USP34: variants seen among roughly 807,000 people sequenced by gnomAD.
The protein encoded by USP34 is ubiquitin carboxyl-terminal hydrolase 34.
A neutral mutation model predicts 460.3 loss-of-function variants in USP34; 70 were observed. The ratio of observed to expected loss-of-function variants is 0.15; its 90% CI spans 0.13 to 0.19. The LOEUF is 0.19. USP34 is among the 10% of genes least tolerant of loss of function. The pLI, the probability that USP34 is intolerant of heterozygous loss-of-function variation, is 1.00. For missense variants in USP34, 3,985 were observed against 4,236.2 expected (o/e 0.94, Z 1.65); for synonymous variants, 1,647 against 1,405.3 (o/e 1.17, Z -3.85).
chr2:61,216,893 G>A (rs1173535098), intron 67 of USP34, among the ~76,000 whole-genome samples: 4 of 151,518 alleles, frequency 2.6e-5, no homozygotes, highest in Non-Finnish European at 2.9e-5. Flanking sequence ...ATCCCAGCCT[G>A]GGCGATGGGG....
At chr2:61,311,973 A>C in intron 25 of USP34, 63 bp from the exon 26 acceptor site, 1 of 1,569,780 alleles carries the variant, frequency 6.4e-7, no homozygotes, top group South Asian at 1.2e-5. Context: ...AATGTTACGC[A>C]AATTTTTATC....
intron 8 of USP34, among the ~76,000 whole-genome samples, chr2:61,371,775 T>C (rs1692636764): frequency 6.6e-6 from 1 of 152,192 alleles, no homozygotes; most frequent in Non-Finnish European, 1.5e-5. Context: ...CAAGCTCCAT[T>C]CTTGGTAAGC....
chr2:61,240,298 A>ATT (rs553359868), intron 53 of USP34, among the ~76,000 whole-genome samples: 1 of 151,166 alleles, frequency 6.6e-6, no homozygotes, highest in African/African-American at 2.4e-5. Context: ...TGTAAAATAC[A>ATT]TTTTTTTTTG....
chr2:61,383,422 T>C, intron 5 of USP34, 86 bp from the exon 6 acceptor site: 3 of 1,074,324 alleles, frequency 2.8e-6, no homozygotes, highest in Non-Finnish European at 4.1e-6. Context: ...ACAAGAGCAT[T>C]GGCCAGGCAC....
intron 48 of USP34, chr2:61,250,590 T>C (rs1688549315): frequency 6.3e-6 from 1 of 158,258 alleles, no homozygotes. Flanking sequence ...GGAATGTCTA[T>C]TAAAAGGTGG....
intron 1 of USP34, among the ~76,000 whole-genome samples, chr2:61,441,583 G>A (rs919627782): frequency 3.3e-5 from 5 of 151,884 alleles, no homozygotes; most frequent in African/African-American, 7.3e-5. Flanking sequence ...TCGGCCACTC[G>A]GCTGCCCAGC....
intron 3 of USP34, among the ~76,000 whole-genome samples, chr2:61,401,711 G>C (rs1340645675): frequency 1.4e-5 from 2 of 143,774 alleles, no homozygotes; most frequent in Non-Finnish European, 3.0e-5. Context: ...ACCACGCCCT[G>C]CTAATTTTTT....
At position 61,361,240 on chromosome 2, in the gene USP34, G is replaced by A. The variant is rs1242133277; in HGVS notation, c.1251+9081C>T. 2.0e-5 allele frequency among the ~76,000 whole-genome samples: 3 copies of A among 152,144 alleles called. No individual in the cohort carries two copies. The East Asian group carries it at 5.8e-4, about 29-fold the overall frequency. ...TGCCTGGGCAATACAGCAAGACCCA[G>A]TCTCTACAAAACAATTTAAAAAAAT... On this transcript the variant is annotated intron_variant, in intron 10 of 79. Transcript: ENST00000398571.
chr2:61,406,784 C>T (rs1269461268), intron 2 of USP34, among the ~76,000 whole-genome samples: 1 of 151,226 alleles, frequency 6.6e-6, no homozygotes, highest in Non-Finnish European at 1.5e-5. Context: ...GCAGGTGGAT[C>T]ATTTGAGGTC....
At chr2:61,238,997 T>A (rs990292991) in intron 53 of USP34, among the ~76,000 whole-genome samples, 1 of 151,598 alleles carries the variant, frequency 6.6e-6, no homozygotes, top group African/African-American at 2.4e-5. Flanking sequence ...TATATTATTA[T>A]GGTGATCTAT....
intron 49 of USP34, 132 bp downstream of exon 49, chr2:61,248,379 T>C (rs772576337): frequency 2.6e-5 from 22 of 839,604 alleles, no homozygotes; most frequent in South Asian, 1.6e-4. Flanking sequence ...ATGCATGACA[T>C]TGTCTTAACC....
At chr2:61,210,855 T>C (rs1311935229) in intron 69 of USP34, among the ~76,000 whole-genome samples, 1 of 152,102 alleles carries the variant, frequency 6.6e-6, no homozygotes, top group Non-Finnish European at 1.5e-5. Flanking sequence ...GGACTACAGG[T>C]GCATGCCGTC....
intron 15 of USP34, among the ~76,000 whole-genome samples, chr2:61,345,735 A>T (rs963292988): frequency 6.6e-6 from 1 of 152,156 alleles, no homozygotes; most frequent in African/African-American, 2.4e-5. Context: ...CCTGGACTCA[A>T]GCGATCCTTC....
At chr2:61,352,969 G>GT (rs1227668619) in intron 10 of USP34, among the ~76,000 whole-genome samples, 1 of 152,232 alleles carries the variant, frequency 6.6e-6, no homozygotes, top group Non-Finnish European at 1.5e-5. Flanking sequence ...CGAATCAGAT[G>GT]TAAGTATCCT....
In USP34 at chr2:61,376,911, T is replaced by C. The variant is rs928366122; in HGVS notation, c.1076+1452A>G. Among the ~76,000 whole-genome samples the C allele has an allele frequency of 2.0e-5, 3 of 152,220 alleles. No homozygotes were observed. The South Asian group carries it at 6.2e-4, about 32-fold the overall frequency. ...TGCCCGCCTCAGCCTCCCAAAGTGC[T>C]GGGATACAGGCGTGAGCCACTGTGC... is the stretch of plus-strand genomic sequence containing the variant. On this transcript the variant is annotated intron_variant, in intron 8 of 79. Coordinates refer to ENST00000398571, the MANE Select transcript of USP34 (RefSeq NM_014709.4).
chr2:61,320,492 G>C (rs1222580617), intron 21 of USP34, among the ~76,000 whole-genome samples: 3 of 134,910 alleles, frequency 2.2e-5, no homozygotes, highest in Non-Finnish European at 3.4e-5. Context: ...CCCGGGCCAG[G>C]AATCAGTTTT....
intron 18 of USP34, among the ~76,000 whole-genome samples, chr2:61,334,681 A>G (rs1019457313): frequency 2.0e-5 from 3 of 152,196 alleles, no homozygotes; most frequent in Admixed American, 2.0e-4. Context: ...TGCAATGTGG[A>G]AGCAAGTATA....
intron 1 of USP34, among the ~76,000 whole-genome samples, chr2:61,466,295 C>T (rs1328737124): frequency 6.6e-6 from 1 of 151,966 alleles, no homozygotes; most frequent in African/African-American, 2.4e-5. Flanking sequence ...CTTGGTGGCA[C>T]ATGCCTGTAG....
chr2:61,216,532 A>G (rs1442060544), intron 67 of USP34, among the ~76,000 whole-genome samples: 4 of 151,914 alleles, frequency 2.6e-5, no homozygotes, highest in Non-Finnish European at 5.9e-5. Flanking sequence ...CCCGGGAGGC[A>G]GAGCTTGCAG....
Sources: gnomAD v4.1 joint callset for allele counts (sites outside exome capture counted in the v4.1 genomes callset) on GRCh38, gnomAD v4.1.1 for gene constraint, MANE v1.5 for transcripts, NCBI Gene and HGNC (gene_info 2026-07-23, HGNC 2026-07-21) for gene names.